Variants in NEU1 observed in about 807,000 individuals in gnomAD.
NEU1 encodes the protein neuraminidase 1.
In NEU1, 32 loss-of-function variants were observed where a neutral mutation model predicts 38.3. The observed-to-expected ratio is 0.84, with a 90% CI of 0.63 to 1.12. The LOEUF (loss-of-function observed/expected upper bound fraction) is 1.12. Ranked by LOEUF, NEU1 falls within the 50% of genes most tolerant of loss-of-function variation. NEU1 has a pLI of 0.00. For missense variants in NEU1, 431 were observed against 549.2 expected, an observed-to-expected ratio of 0.78 and a Z score of 2.15; for synonymous variants, 192 against 225.2, an observed-to-expected ratio of 0.85 and a Z score of 1.32.
chr6:31,860,702 A>C lies in NEU1; in HGVS notation c.616-81T>G. 6.8e-7 allele frequency: 1 copy of C among 1,465,484 alleles called. No individual in the cohort carries two copies. Among genetic ancestry groups the C allele is most frequent in the Non-Finnish European group, 9.5e-7 (1 of 1,049,008 alleles). The allele number at this position is 1,465,484 out of a possible 1,614,324, so 90.8% of individuals were successfully genotyped here. ...GGACAGAGAACCCACCACTTCCCAA[A>C]TGCAATCACATGTATGGTCCCCTTG... On this transcript the variant is annotated intron_variant, in intron 3 of 5. Coordinates refer to ENST00000375631, the MANE Select transcript of NEU1 (RefSeq NM_000434.4). This position sits in a 1 kb window ranked among gnomAD's most constrained non-coding sequence, Gnocchi z 4.8.
At position 31,859,791 on chromosome 6, in the gene NEU1, C is replaced by T. The variant is rs752553347; in HGVS notation, c.1176G>A (p.Leu392=). The T allele has an allele frequency of 8.3e-5, 134 of 1,612,946 alleles. No individual in the cohort carries two copies. The highest frequency in any genetic ancestry group is 1.1e-4 in the Non-Finnish European group (133 of 1,180,044). The change falls in exon 6 of 6, where the codon CTG becomes CTA. Residue 392 remains leucine, a synonymous_variant. Transcript: ENST00000375631. ...GEEQAPQLYV[L]YEKGRNHYTE... is the part of the protein sequence containing the mutation. Reference sequence around the variant, plus strand: ...TGTAGTGGTTCCGGCCTTTCTCATACAGGACGTAGAGCTGGGGGGCCTGCT... The same window carrying T: ...TGTAGTGGTTCCGGCCTTTCTCATATAGGACGTAGAGCTGGGGGGCCTGCT...
chr6:31,859,534 G>C lies in NEU1; in HGVS notation c.*185C>G. On this transcript the variant is annotated 3_prime_UTR_variant, in exon 6 of 6. Coordinates refer to ENST00000375631, the MANE Select transcript of NEU1 (RefSeq NM_000434.4). The stretch of plus-strand genomic sequence containing the variant: ...ATGAGGGCAGGACTTTTTTGTGGGA[G>C]AGGACGCCTAGCTTTCAGTCCTAAA... The C allele has an allele frequency of 1.4e-6, 1 of 691,958 alleles. No homozygotes were observed. The highest frequency in any genetic ancestry group is 1.6e-5 in the South Asian group (1 of 63,060). 42.9% of individuals were successfully genotyped at this position (691,958 alleles called of 1,614,324 possible). A position where few individuals can be genotyped will look rare whatever the true frequency, so the allele number is the denominator to read the frequency against.
At position 31,862,243 on chromosome 6, in the gene NEU1, T is replaced by A; in HGVS notation, c.160-52A>T. The stretch of plus-strand genomic sequence containing the variant: ...AAAGACAAACTTGTCTTGGGGGTTT[T>A]AGGAACCCACGTTCCGATGGGAGAG... On this transcript the variant is annotated intron_variant, in intron 1 of 5. Coordinates refer to ENST00000375631, the MANE Select transcript of NEU1 (RefSeq NM_000434.4). This position sits in a 1 kb window ranked among gnomAD's most constrained non-coding sequence, Gnocchi z 6.3. 6.3e-7 allele frequency: 1 copy of A among 1,596,490 alleles called. No individual in the cohort carries two copies. Among genetic ancestry groups the A allele is most frequent in the Non-Finnish European group, 8.6e-7 (1 of 1,168,376 alleles).
In NEU1 at chr6:31,858,955, G is replaced by A. The variant is rs1006244669; in HGVS notation, c.*764C>T. On this transcript the variant is annotated 3_prime_UTR_variant, in exon 6 of 6. Coordinates refer to ENST00000375631, the MANE Select transcript of NEU1 (RefSeq NM_000434.4). ...GAGGATCACTTGAGCCCAGGAGGTT[G>A]AGGCTTCAGTGAGCCGTGATTGTGC... 6.5e-6 allele frequency: 1 copy of A among 154,024 alleles called. No individual in the cohort carries two copies. The highest frequency in any genetic ancestry group is 1.4e-5 in the Non-Finnish European group (1 of 69,296). 9.5% of individuals were successfully genotyped at this position (154,024 alleles called of 1,614,324 possible).
At position 31,858,673 on chromosome 6, in the gene NEU1, C is replaced by T. The variant is rs1444388600; in HGVS notation, c.*1046G>A. On this transcript the variant is annotated 3_prime_UTR_variant, in exon 6 of 6. Transcript: ENST00000375631. ...AAATAAAAAATATCTTATGGCACTC[C>T]CTTCATACTCATTACACCTGTGAAG... The T allele has an allele frequency of 1.3e-5, 2 of 150,114 alleles. No homozygotes were observed. The highest frequency in any genetic ancestry group is 2.5e-5 in the African/African-American group (1 of 40,776). The allele number at this position is 150,114 out of a possible 1,614,324, so 9.3% of individuals were successfully genotyped here. A position where few individuals can be genotyped will look rare whatever the true frequency, so the allele number is the denominator to read the frequency against.
In NEU1 at chr6:31,861,286, A is replaced by C. The variant is rs777108302; in HGVS notation, c.517T>G (p.Trp173Gly). ...CAGGAAACACCATCATCCTTGCTCCATACCAACATGGTAGAGGCCACCTGG... is the reference window on the plus strand; with the variant it reads ...CAGGAAACACCATCATCCTTGCTCCCTACCAACATGGTAGAGGCCACCTGG... ...GCQVASTMLVWSKDDGVSWST... is the reference protein window; with the variant it reads ...GCQVASTMLVGSKDDGVSWST... Residue 173 changes from tryptophan (W) to glycine (G), a missense_variant, in exon 3 of 6, where the codon TGG becomes GGG. Trp to Gly is a radical substitution (Grantham distance 184). Transcript: ENST00000375631. The C allele has an allele frequency of 6.2e-7, 1 of 1,613,014 alleles. No individual in the cohort carries two copies. The highest frequency in any genetic ancestry group is 2.2e-5 in the East Asian group (1 of 44,888).
chr6:31,860,601 C>T lies in NEU1; in HGVS notation c.636G>A (p.Lys212=), dbSNP rs781047233. The T allele has an allele frequency of 5.6e-6, 9 of 1,613,762 alleles. No homozygotes were observed. The highest frequency in any genetic ancestry group is 7.6e-6 in the Non-Finnish European group (9 of 1,180,036). The change falls in exon 4 of 6, where the codon AAG becomes AAA. Residue 212 remains lysine, a synonymous_variant. Transcript: ENST00000375631. This position sits in a 1 kb window ranked among gnomAD's most constrained non-coding sequence, Gnocchi z 4.8. ...SGIQKQREPR[K]GRLIVCGHGT... ...CATGGCCACACACGATGAGGCGGCC[C>T]TTCCGTGGCTCCCGCTGTTTCTGTG...
Position 31,860,707 on chromosome 6 carries a change from A to G in NEU1, c.616-86T>C. On this transcript the variant is annotated intron_variant, in intron 3 of 5. Transcript: ENST00000375631. The surrounding 1 kb of genome is among the most constrained non-coding windows in gnomAD (Gnocchi z 4.8). Reference sequence around the variant, plus strand: ...GAGAACCCACCACTTCCCAAATGCAATCACATGTATGGTCCCCTTGAGTTC... The same window carrying G: ...GAGAACCCACCACTTCCCAAATGCAGTCACATGTATGGTCCCCTTGAGTTC... 6.9e-7 allele frequency: 1 copy of G among 1,442,362 alleles called. No individual in the cohort carries two copies. Among genetic ancestry groups the G allele is most frequent in the Non-Finnish European group, 9.7e-7 (1 of 1,028,280 alleles). 89.3% of individuals were successfully genotyped at this position (1,442,362 alleles called of 1,614,324 possible).
In NEU1 at chr6:31,860,557, C is replaced by G. The variant is rs1562432275; in HGVS notation, c.680G>C (p.Gly227Ala). The change falls in exon 4 of 6, where the codon GGA (glycine) becomes GCA (alanine). Residue 227 changes from glycine (G) to alanine (A), a missense_variant. Gly to Ala is a moderately conservative substitution (Grantham distance 60). Transcript: ENST00000375631. This position sits in a 1 kb window ranked among gnomAD's most constrained non-coding sequence, Gnocchi z 4.8. ...VCGHGTLERD[G>A]VFCLLSDDHG... is the part of the protein sequence containing the mutation. ...ATCATCGCTGAGGAGACAGAAGACT[C>G]CGTCCCGCTCCAGCGTCCCATGGCC... 6.2e-7 allele frequency: 1 copy of G among 1,614,094 alleles called. No individual in the cohort carries two copies. The highest frequency in any genetic ancestry group is 8.5e-7 in the Non-Finnish European group (1 of 1,180,010).
chr6:31,860,508 TC>T lies in NEU1; in HGVS notation c.728del (p.Gly243GlufsTer60). ...SDDHGASWRY[G>X]SGVSGIPYGQ... is the part of the protein sequence containing the mutation. Reference sequence around the variant, plus strand: ...CGTAGGGGATGCCGCTGACCCCACTTCCGTAGCGCCAGGAGGCACCATGATC... The same window carrying T: ...CGTAGGGGATGCCGCTGACCCCACTTCGTAGCGCCAGGAGGCACCATGATC... On this transcript the variant is annotated frameshift_variant, in exon 4 of 6. Coordinates refer to ENST00000375631, the MANE Select transcript of NEU1 (RefSeq NM_000434.4). LOFTEE classifies it high-confidence loss of function. This position sits in a 1 kb window ranked among gnomAD's most constrained non-coding sequence, Gnocchi z 4.8. The T allele has an allele frequency of 6.2e-7, 1 of 1,613,938 alleles. No individual in the cohort carries two copies. The highest frequency in any genetic ancestry group is 8.5e-7 in the Non-Finnish European group (1 of 1,179,962).
Position 31,859,442 on chromosome 6 carries a change from A to T in NEU1, c.*277T>A. 1 of 578,736 alleles carries T rather than the reference A, an allele frequency of 1.7e-6. No homozygotes were observed. Among genetic ancestry groups the T allele is most frequent in the South Asian group, 1.9e-5 (1 of 51,702 alleles). The allele number at this position is 578,736 out of a possible 1,614,324, so 35.9% of individuals were successfully genotyped here. ...AGACCTGCCCAAGACAGGACCAATC[A>T]ATGTCCCGGGAGGGCAGAGAGGGTG... On this transcript the variant is annotated 3_prime_UTR_variant, in exon 6 of 6. Transcript: ENST00000375631.
chr6:31,859,053 CAAAAGGAAAAG>C lies in NEU1; in HGVS notation c.*655_*665del, dbSNP rs1762400513. The C allele has an allele frequency of 6.4e-6, 1 of 155,670 alleles. No homozygotes were observed. Among genetic ancestry groups the C allele is most frequent in the Non-Finnish European group, 1.4e-5 (1 of 70,242 alleles). 9.6% of individuals were successfully genotyped at this position (155,670 alleles called of 1,614,324 possible). On this transcript the variant is annotated 3_prime_UTR_variant, in exon 6 of 6. Coordinates refer to ENST00000375631, the MANE Select transcript of NEU1 (RefSeq NM_000434.4). ...GCAACAACAAAAAAAGAGGGCATGT[CAAAAGGAAAAG>C]AGGATTTGATTTGCCAAAGTCAGAT...
Sources: allele counts gnomAD v4.1 joint callset, GRCh38; gene constraint gnomAD v4.1.1; non-coding constraint Gnocchi (gnomAD v3.1); transcripts MANE v1.5; gene names NCBI Gene and HGNC (gene_info 2026-07-23, HGNC 2026-07-21).